Variants in FBN2 observed in about 807,000 individuals in gnomAD.
FBN2 encodes fibrillin-2.
Under a neutral mutation model 355.6 loss-of-function variants are expected in FBN2, and 105 were observed. That is an observed-to-expected ratio of 0.30 (90% CI 0.25 to 0.35). The LOEUF is 0.35. Ranked by LOEUF, FBN2 falls within the 10% of genes least tolerant of loss-of-function variation. The pLI is 1.00. For missense variants in FBN2, 3,280 were observed against 3,758.7 expected, an observed-to-expected ratio of 0.87 and a Z score of 3.33; for synonymous variants, 1,350 against 1,301.2, an observed-to-expected ratio of 1.04 and a Z score of -0.81.
At chr5:128,297,035 G>T (rs1423236182) in intron 48 of FBN2, among the ~76,000 whole-genome samples, 5 of 152,124 alleles carry the variant, frequency 3.3e-5, no homozygotes, top group African/African-American at 1.2e-4. Context: ...CTGGTATGTT[G>T]TGTCTTTGTT....
At chr5:128,486,587 C>T (rs145974758) in intron 5 of FBN2, among the ~76,000 whole-genome samples, 4 of 152,108 alleles carry the variant, frequency 2.6e-5, no homozygotes, top group East Asian at 1.9e-4. Context: ...GGCCCCTTAC[C>T]GAGTAGACTT....
intron 7 of FBN2, among the ~76,000 whole-genome samples, chr5:128,434,627 C>T (rs924027551): frequency 2.7e-5 from 4 of 150,594 alleles, no homozygotes; most frequent in African/African-American, 9.8e-5. Context: ...CTTCCCTGTC[C>T]CTCTCCTTCT....
In FBN2 at chr5:128,345,363, A is replaced by G. The variant is rs2126913738; in HGVS notation, c.3211T>C (p.Tyr1071His). 1 of 1,613,912 alleles carries G rather than the reference A, an allele frequency of 6.2e-7. No homozygotes were observed. The highest frequency in any genetic ancestry group is 8.5e-7 in the Non-Finnish European group (1 of 1,179,766). The stretch of plus-strand genomic sequence containing the variant: ...GCTGGCCGCAGGCAGTTACCTTTGT[A>G]AAATGGCCGCCCAGTAAGAACATCC... ...RGDVLTGRPFYKDINECKAFP... is the reference protein window; with the variant it reads ...RGDVLTGRPFHKDINECKAFP... Residue 1071 changes from tyrosine to histidine, a missense_variant, in exon 24 of 65, where the codon TAC becomes CAC. Physicochemically the swap from Tyr to His is moderately conservative, Grantham distance 83. Coordinates refer to ENST00000262464, the MANE Select transcript of FBN2 (RefSeq NM_001999.4).
At chr5:128,339,743 C>A (rs1369217666) in intron 25 of FBN2, among the ~76,000 whole-genome samples, 2 of 152,158 alleles carry the variant, frequency 1.3e-5, no homozygotes, top group African/African-American at 4.8e-5. Context: ...ACTACACTAG[C>A]CCATGCCACC....
At chr5:128,522,399 A>G (rs1185728276) in intron 4 of FBN2, among the ~76,000 whole-genome samples, 2 of 152,192 alleles carry the variant, frequency 1.3e-5, no homozygotes, top group African/African-American at 4.8e-5. Context: ...CACTCACCAC[A>G]CCACCTCTCT....
chr5:128,431,273 C>T (rs1001553529), intron 7 of FBN2, among the ~76,000 whole-genome samples: 1 of 152,214 alleles, frequency 6.6e-6, no homozygotes, highest in Non-Finnish European at 1.5e-5. Flanking sequence ...TGTTTGACAA[C>T]ACTTACTTTA....
At chr5:128,386,931 G>A (rs1752381076) in intron 11 of FBN2, among the ~76,000 whole-genome samples, 1 of 151,958 alleles carries the variant, frequency 6.6e-6, no homozygotes, top group African/African-American at 2.4e-5. Context: ...GCCAGGTGTT[G>A]GTATAAGAAT....
intron 48 of FBN2, among the ~76,000 whole-genome samples, chr5:128,296,581 A>C (rs868167077): frequency 8.6e-5 from 13 of 151,878 alleles, no homozygotes; most frequent in Non-Finnish European, 1.6e-4. Context: ...TGTATGTGTC[A>C]AGGAATTTAT....
chr5:128,386,164 T>G (rs1355641164), intron 11 of FBN2, among the ~76,000 whole-genome samples: 2 of 152,180 alleles, frequency 1.3e-5, no homozygotes, highest in Non-Finnish European at 2.9e-5. Context: ...GGTTTTATAT[T>G]TAAGTCTTTA....
At chr5:128,489,079 G>A (rs1755429671) in intron 5 of FBN2, among the ~76,000 whole-genome samples, 2 of 151,958 alleles carry the variant, frequency 1.3e-5, no homozygotes, top group African/African-American at 4.8e-5. Context: ...TCGCCGCACT[G>A]ACTTCCACAA....
At chr5:128,317,080 C>T (rs1750220391) in intron 36 of FBN2, among the ~76,000 whole-genome samples, 1 of 152,114 alleles carries the variant, frequency 6.6e-6, no homozygotes, top group South Asian at 2.1e-4. Context: ...CTGCCACATG[C>T]CCCTTGCACT....
At chr5:128,435,783 TA>T (rs559014671) in intron 7 of FBN2, among the ~76,000 whole-genome samples, 30 of 152,250 alleles carry the variant, frequency 2.0e-4, no homozygotes, top group Non-Finnish European at 3.7e-4. Context: ...GTCATCTGGA[TA>T]TTTCAAACTT....
intron 5 of FBN2, among the ~76,000 whole-genome samples, chr5:128,470,282 G>A (rs1363045353): frequency 6.6e-6 from 1 of 152,192 alleles, no homozygotes; most frequent in Non-Finnish European, 1.5e-5. Context: ...CAGGTGATTG[G>A]TGATCTTAGC....
chr5:128,372,330 T>C (rs1326047175), intron 15 of FBN2, among the ~76,000 whole-genome samples: 1 of 152,176 alleles, frequency 6.6e-6, no homozygotes, highest in East Asian at 1.9e-4. Flanking sequence ...TGCTTGTGAG[T>C]TGTATTTCAA....
intron 5 of FBN2, among the ~76,000 whole-genome samples, chr5:128,477,818 G>A (rs890106906): frequency 3.3e-5 from 5 of 152,166 alleles, no homozygotes; most frequent in Admixed American, 1.3e-4. Flanking sequence ...AGGGGGCTGG[G>A]GGGAGTTTAT....
At chr5:128,529,493 A>G (rs886166119) in intron 3 of FBN2, among the ~76,000 whole-genome samples, 2 of 152,204 alleles carry the variant, frequency 1.3e-5, no homozygotes, top group African/African-American at 4.8e-5. Flanking sequence ...TCCTGATGAA[A>G]TGGAAGGATT....
chr5:128,405,954 G>A (rs138877794), intron 8 of FBN2, among the ~76,000 whole-genome samples: 100 of 152,272 alleles, frequency 6.6e-4, no homozygotes, highest in African/African-American at 2.2e-3. Flanking sequence ...GTTCAATGAC[G>A]ACTCCCACGG....
intron 7 of FBN2, among the ~76,000 whole-genome samples, chr5:128,417,142 C>T (rs1205938389): frequency 6.6e-6 from 1 of 151,750 alleles, no homozygotes; most frequent in African/African-American, 2.4e-5. Flanking sequence ...CTTTTGAGTT[C>T]TTTTTTTAGC....
At chr5:128,387,043 G>A (rs1028237537) in intron 11 of FBN2, among the ~76,000 whole-genome samples, 1 of 151,958 alleles carries the variant, frequency 6.6e-6, no homozygotes, top group Non-Finnish European at 1.5e-5. Flanking sequence ...TACATCTGGC[G>A]GAATTTGTCT....
Sources: gnomAD v4.1 joint callset for allele counts (sites outside exome capture counted in the v4.1 genomes callset) on GRCh38, gnomAD v4.1.1 for gene constraint, MANE v1.5 for transcripts, NCBI Gene and HGNC (gene_info 2026-07-23, HGNC 2026-07-21) for gene names.